The following AMZ1 variants were observed in gnomAD, a reference collection of about 807,000 sequenced individuals.
AMZ1 encodes archaemetzincin-1.
AMZ1 carries 39 observed loss-of-function variants against 29.9 expected under a neutral mutation model. The ratio of observed to expected loss-of-function variants is 1.30; its 90% CI spans 1.01 to 1.70. The LOEUF (loss-of-function observed/expected upper bound fraction) is 1.70, where lower values mean the gene tolerates loss of function less well. Among genes scored for constraint, AMZ1 ranks in the 40% most tolerant of loss-of-function variants. The pLI is 0.00. For synonymous variants in AMZ1, 458 were observed against 304.0 expected (o/e 1.51, Z -5.27); for missense variants, 1,041 against 680.6 (o/e 1.53, Z -5.89).
intron 1 of AMZ1, among the ~76,000 whole-genome samples, chr7:2,690,458 C>T (rs552873139): frequency 2.6e-5 from 4 of 152,248 alleles, no homozygotes; most frequent in East Asian, 3.9e-4. Flanking sequence ...TGGACTCAAG[C>T]GATTGTCCCG....
rs184283007 is a variant in AMZ1, at chr7:2,711,387, G to A, written c.949-943G>A. 3.6e-3 allele frequency among the ~76,000 whole-genome samples: 555 copies of A among 152,344 alleles called. 2 individuals carry two copies. The highest frequency in any genetic ancestry group is 5.8e-3 in the Non-Finnish European group (394 of 68,036). ...CTTGTTGTGGTCTCTGCCACTTCCT[G>A]TGGTGTAAACAGTCTCACGATGGCT... On this transcript the variant is annotated intron_variant, in intron 6 of 6. Transcript: ENST00000683327.
chr7:2,684,170 T>C (rs1786986902), upstream of AMZ1, among the ~76,000 whole-genome samples: 1 of 151,332 alleles, frequency 6.6e-6, no homozygotes, highest in Non-Finnish European at 1.5e-5. Flanking sequence ...AGAGCGAGAC[T>C]CCATCTCAAA....
In AMZ1 at chr7:2,700,568, C is replaced by T. The variant is rs548046002; in HGVS notation, c.117C>T (p.Ala39=). ...QQLYVSAFSP[A]ERLFLAEAYN... is the part of the protein sequence containing the mutation. ...TGTATGTGTCCGCCTTCTCCCCTGC[C>T]GAGCGGCTCTTCCTGGCCGAGGCCT... The change falls in exon 2 of 7, where the codon GCC becomes GCT. Residue 39 remains alanine (A), a synonymous_variant. Coordinates refer to ENST00000683327, the MANE Select transcript of AMZ1 (RefSeq NM_001384743.1). 20 of 1,610,066 alleles carry T rather than the reference C, an allele frequency of 1.2e-5. No individual in the cohort carries two copies. Among genetic ancestry groups the T allele is most frequent in the Admixed American group, 8.3e-5 (5 of 60,024 alleles).
rs1357279829 is a variant in AMZ1, at chr7:2,709,617, G to T, written c.772-23G>T. 8 of 1,602,876 alleles carry T rather than the reference G, an allele frequency of 5.0e-6. No individual in the cohort carries two copies. In the East Asian group the frequency reaches 1.1e-4, roughly 22 times the overall value. On this transcript the variant is annotated intron_variant, in intron 5 of 6. Coordinates refer to ENST00000683327, the MANE Select transcript of AMZ1 (RefSeq NM_001384743.1). Reference sequence around the variant, plus strand: ...TGCAGGGGCAAGGCAGTGAGGCAAGGTGCTTGGTGGCCTTCCCCCCAGGTC... The same window carrying T: ...TGCAGGGGCAAGGCAGTGAGGCAAGTTGCTTGGTGGCCTTCCCCCCAGGTC...
chr7:2,702,343 C>G (rs1788100059), intron 2 of AMZ1: 1 of 212,344 alleles, frequency 4.7e-6, no homozygotes. Context: ...GTCCTGCTGT[C>G]TGCCCCAGTC....
In AMZ1 at chr7:2,709,064, T is replaced by C; in HGVS notation, c.602-11T>C. On this transcript the variant is annotated splice_polypyrimidine_tract_variant and intron_variant, in intron 4 of 6. Coordinates refer to ENST00000683327, the MANE Select transcript of AMZ1 (RefSeq NM_001384743.1). Reference sequence around the variant, plus strand: ...ACCCCTGAGAGTGCCCTTCTCTCCATCTCTCTCCAGAAGTGGGCGTCTGCA... The same window carrying C: ...ACCCCTGAGAGTGCCCTTCTCTCCACCTCTCTCCAGAAGTGGGCGTCTGCA... The C allele has an allele frequency of 6.4e-7, 1 of 1,559,570 alleles. No homozygotes were observed.
intron 4 of AMZ1, among the ~76,000 whole-genome samples, chr7:2,746,813 G>A (rs1473960618): frequency 2.6e-4 from 39 of 152,096 alleles, no homozygotes; most frequent in Admixed American, 2.6e-3. Flanking sequence ...TCAAATAGAT[G>A]CAATAAAAAA....
intron 1 of AMZ1, among the ~76,000 whole-genome samples, chr7:2,696,839 T>C (rs1787776434): frequency 6.6e-6 from 1 of 152,074 alleles, no homozygotes; most frequent in Non-Finnish European, 1.5e-5. Context: ...TGAGCAAAGA[T>C]CGTGCTACTG....
chr7:2,708,232 G>C (rs1788486815), intron 3 of AMZ1, among the ~76,000 whole-genome samples: 2 of 152,192 alleles, frequency 1.3e-5, no homozygotes, highest in South Asian at 4.1e-4. Context: ...GGGACTCACA[G>C]GTCCCAGGGC....
upstream of AMZ1, among the ~76,000 whole-genome samples, chr7:2,686,641 C>G (rs1787087634): frequency 6.6e-6 from 1 of 152,008 alleles, no homozygotes; most frequent in Non-Finnish European, 1.5e-5. Context: ...CTTATGGGGT[C>G]TTCTTTTTGT....
upstream of AMZ1, among the ~76,000 whole-genome samples, chr7:2,687,703 C>T (rs7776527): frequency 0.54 from 31,681 of 58,690 alleles, 3,898 homozygotes; most frequent in East Asian, 0.58. Context: ...CCCCTCTCAC[C>T]TGGGGCTTCG....
intron 1 of AMZ1, among the ~76,000 whole-genome samples, chr7:2,699,169 C>G (rs1021298132): frequency 6.6e-6 from 1 of 152,186 alleles, no homozygotes; most frequent in African/African-American, 2.4e-5. Context: ...AGCCCACTCT[C>G]CATCCGCCCT....
intron 4 of AMZ1, among the ~76,000 whole-genome samples, chr7:2,743,887 C>T (rs532031107): frequency 4.3e-4 from 65 of 152,152 alleles, no homozygotes; most frequent in African/African-American, 1.2e-3. Flanking sequence ...GCACCTGGCT[C>T]GGAGGGTCCT....
At chr7:2,681,230 AT>A (rs1294409102) in intron 1 of AMZ1, among the ~76,000 whole-genome samples, 1 of 152,092 alleles carries the variant, frequency 6.6e-6, no homozygotes, top group Non-Finnish European at 1.5e-5. Context: ...TTTGTTATTC[AT>A]TATTATTTTT....
At chr7:2,697,693 G>C (rs1490596868) in intron 1 of AMZ1, among the ~76,000 whole-genome samples, 2 of 152,200 alleles carry the variant, frequency 1.3e-5, no homozygotes, top group Non-Finnish European at 2.9e-5. Flanking sequence ...CTGAAGTGCT[G>C]GGATTACAGG....
At chr7:2,739,931 T>C (rs909822655) in intron 4 of AMZ1, among the ~76,000 whole-genome samples, 2 of 152,264 alleles carry the variant, frequency 1.3e-5, no homozygotes, top group East Asian at 1.9e-4. Flanking sequence ...CCTTGGCCTC[T>C]GAAAGTGCTG....
At chr7:2,712,287 G>A (rs1473119806) in intron 6 of AMZ1, 43 bp from the exon 7 acceptor site, 4 of 1,504,248 alleles carry the variant, frequency 2.7e-6, no homozygotes, top group African/African-American at 2.8e-5. Flanking sequence ...GGCTAGACAA[G>A]GGCTGGCACG....
At chr7:2,691,574 C>T (rs1787387864) in intron 1 of AMZ1, among the ~76,000 whole-genome samples, 1 of 147,666 alleles carries the variant, frequency 6.8e-6, no homozygotes, top group African/African-American at 2.7e-5. Flanking sequence ...AACCTCGTTT[C>T]TACTAAAAAT....
intron 2 of AMZ1, 28 bp downstream of exon 2, chr7:2,700,783 G>A (rs535183090): frequency 1.2e-5 from 19 of 1,603,596 alleles, no homozygotes; most frequent in East Asian, 4.5e-5. Flanking sequence ...CCATCGGCAC[G>A]CTCCTGGGGG....
Sources: allele counts gnomAD v4.1 joint callset (sites outside exome capture counted in the v4.1 genomes callset), GRCh38; gene constraint gnomAD v4.1.1; transcripts MANE v1.5; gene names NCBI Gene and HGNC (gene_info 2026-07-23, HGNC 2026-07-21).